The following CDH17 variants were observed in gnomAD, a reference collection of about 807,000 sequenced individuals.
CDH17 encodes the protein cadherin-17.
A neutral mutation model predicts 86.3 loss-of-function variants in CDH17; 67 were observed. That is an observed-to-expected ratio of 0.78 (90% confidence interval 0.64 to 0.95). The LOEUF (loss-of-function observed/expected upper bound fraction) is 0.95. Among genes scored for constraint, CDH17 ranks in the 40% least tolerant of loss-of-function variants. The probability of loss-of-function intolerance (pLI) is 0.00; values close to 1 mark genes in which losing one functional copy is unlikely to be tolerated. For synonymous variants in CDH17, 367 were observed against 366.4 expected, an observed-to-expected ratio of 1.00 and a Z score of -0.02; for missense variants, 993 against 1,017.6, an observed-to-expected ratio of 0.98 and a Z score of 0.33.
At chr8:94,165,567 A>G (rs1379537564) in intron 10 of CDH17, among the ~76,000 whole-genome samples, 194 bp downstream of exon 10, 1 of 152,120 alleles carries the variant, frequency 6.6e-6, no homozygotes, top group Non-Finnish European at 1.5e-5. Flanking sequence ...CAACACAACA[A>G]TGGTGCCTGA....
At chr8:94,166,548 T>C (rs959176461) in intron 9 of CDH17, among the ~76,000 whole-genome samples, 2 of 151,984 alleles carry the variant, frequency 1.3e-5, no homozygotes, top group African/African-American at 4.8e-5. Flanking sequence ...CCTCAACATA[T>C]AATTTGGGGG....
chr8:94,159,874 T>A, intron 12 of CDH17, 97 bp downstream of exon 12: 1 of 846,318 alleles, frequency 1.2e-6, no homozygotes, highest in Non-Finnish European at 1.8e-6. Flanking sequence ...GAGAGATGGC[T>A]GCTAATACAT....
At chr8:94,153,117 C>T (rs1812886314) in intron 12 of CDH17, among the ~76,000 whole-genome samples, 1 of 152,094 alleles carries the variant, frequency 6.6e-6, no homozygotes, top group African/African-American at 2.4e-5. Context: ...TTTGCAAATA[C>T]ACATTAGAAA....
At chr8:94,162,620 G>T (rs1813077298) in intron 10 of CDH17, among the ~76,000 whole-genome samples, 1 of 152,138 alleles carries the variant, frequency 6.6e-6, no homozygotes, top group African/African-American at 2.4e-5. Context: ...CTACTATGAT[G>T]GTGAGGTCCA....
intron 7 of CDH17, among the ~76,000 whole-genome samples, chr8:94,172,506 T>G (rs964051680): frequency 7.9e-5 from 12 of 152,114 alleles, no homozygotes; most frequent in African/African-American, 2.7e-4. Context: ...TATCTAATAT[T>G]TTTATCTACT....
intron 12 of CDH17, 63 bp from the exon 13 acceptor site, chr8:94,152,175 C>T: frequency 1.9e-6 from 3 of 1,560,956 alleles, no homozygotes; most frequent in Non-Finnish European, 2.6e-6. Context: ...AGATTCATTC[C>T]CTATCCTTCT....
At chr8:94,151,789 A>G in intron 13 of CDH17, 79 bp downstream of exon 13, 1 of 1,572,012 alleles carries the variant, frequency 6.4e-7, no homozygotes, top group Non-Finnish European at 8.7e-7. Context: ...CCCTGGAGTC[A>G]GTGCAGGCCA....
At chr8:94,174,311 A>G (rs749884803) in intron 5 of CDH17, 51 bp from the exon 6 acceptor site, 1 of 1,515,362 alleles carries the variant, frequency 6.6e-7, no homozygotes, top group Non-Finnish European at 8.9e-7. Flanking sequence ...ATTAATTGAA[A>G]CCCAAACCAA....
chr8:94,155,108 T>G (rs76028375), intron 12 of CDH17, among the ~76,000 whole-genome samples: 3,435 of 152,010 alleles, frequency 0.023, 127 homozygotes, highest in African/African-American at 0.079. Context: ...ATATAAGAGA[T>G]AAAATCATGT....
intron 15 of CDH17, among the ~76,000 whole-genome samples, chr8:94,144,495 G>A (rs531320082): frequency 6.6e-6 from 1 of 151,944 alleles, no homozygotes; most frequent in Non-Finnish European, 1.5e-5. Context: ...ATAAAGCAAA[G>A]TGCAATAAGA....
intron 9 of CDH17, among the ~76,000 whole-genome samples, chr8:94,167,516 G>A (rs1455091101): frequency 6.6e-6 from 1 of 152,210 alleles, no homozygotes; most frequent in Non-Finnish European, 1.5e-5. Context: ...ACATGCAGAT[G>A]TGCCTCATGG....
intron 15 of CDH17, among the ~76,000 whole-genome samples, chr8:94,145,319 T>C (rs527349160): frequency 6.3e-4 from 96 of 152,312 alleles, no homozygotes; most frequent in African/African-American, 2.2e-3. Context: ...TACTGATGCA[T>C]GTAACAACAC....
At chr8:94,177,394 G>T (rs1233422405) in intron 4 of CDH17, among the ~76,000 whole-genome samples, 193 bp downstream of exon 4, 1 of 152,134 alleles carries the variant, frequency 6.6e-6, no homozygotes, top group African/African-American at 2.4e-5. Context: ...AAAAGCCTAA[G>T]GAAAAGGATA....
intron 14 of CDH17, among the ~76,000 whole-genome samples, chr8:94,147,099 T>C (rs1429511046): frequency 6.6e-6 from 1 of 152,198 alleles, no homozygotes; most frequent in Non-Finnish European, 1.5e-5. Flanking sequence ...TTTTGATTTC[T>C]GAAACTTCTA....
At chr8:94,184,098 C>T (rs1456148737) in intron 3 of CDH17, among the ~76,000 whole-genome samples, 1 of 151,232 alleles carries the variant, frequency 6.6e-6, no homozygotes, top group East Asian at 1.9e-4. Flanking sequence ...AATTGGAACT[C>T]ATACATTACT....
intron 3 of CDH17, among the ~76,000 whole-genome samples, chr8:94,178,730 G>T (rs1033398499): frequency 7.2e-5 from 11 of 152,238 alleles, no homozygotes; most frequent in African/African-American, 2.4e-4. Flanking sequence ...GGTACCAAAA[G>T]AATTCATGTC....
chr8:94,216,569 T>TG (rs1453228259), intron 1 of CDH17, among the ~76,000 whole-genome samples: 6 of 150,240 alleles, frequency 4.0e-5, no homozygotes, highest in South Asian at 2.1e-4. Flanking sequence ...GTTTGTTTTT[T>TG]TTTTTTTTTT....
chr8:94,150,015 A>G (rs183961098), intron 13 of CDH17, among the ~76,000 whole-genome samples: 105 of 152,364 alleles, frequency 6.9e-4, no homozygotes, highest in African/African-American at 2.4e-3. Flanking sequence ...AACATTTTCT[A>G]TAATAAAAAA....
At chr8:94,157,371 T>C (rs1227125774) in intron 12 of CDH17, among the ~76,000 whole-genome samples, 1 of 152,198 alleles carries the variant, frequency 6.6e-6, no homozygotes, top group East Asian at 1.9e-4. Flanking sequence ...TATGGCTACA[T>C]ACATTTGTTA....
Sources: allele counts gnomAD v4.1 joint callset (sites outside exome capture counted in the v4.1 genomes callset), GRCh38; gene constraint gnomAD v4.1.1; transcripts MANE v1.5; gene names NCBI Gene and HGNC (gene_info 2026-07-23, HGNC 2026-07-21).